Variants in DUSP22 observed in about 807,000 individuals in gnomAD.
DUSP22 encodes the protein dual specificity protein phosphatase 22.
Under a neutral mutation model 24.5 loss-of-function variants are expected in DUSP22, and 24 were observed. The observed-to-expected ratio is 0.98, with a 90% CI of 0.71 to 1.38. DUSP22 has a LOEUF of 1.38. DUSP22 is among the 40% of genes most tolerant of loss of function. The pLI is 0.00. For synonymous variants in DUSP22, 160 were observed against 106.4 expected (o/e 1.50, Z -3.10); for missense variants, 330 against 269.2 (o/e 1.23, Z -1.58).
chr6:330,174 T>C (rs1451868620), intron 3 of DUSP22, among the ~76,000 whole-genome samples: 1 of 152,300 alleles, frequency 6.6e-6, no homozygotes, highest in Non-Finnish European at 1.5e-5. Flanking sequence ...CCGCACAGGC[T>C]GAGATGAGAA....
chr6:306,321 A>G (rs1362653113), intron 2 of DUSP22, among the ~76,000 whole-genome samples: 1 of 152,304 alleles, frequency 6.6e-6, no homozygotes, highest in African/African-American at 2.4e-5. Context: ...ACAGTATGTG[A>G]GAGTTTTAGC....
At chr6:311,825 G>T in intron 2 of DUSP22, 55 bp from the exon 3 acceptor site, 1 of 1,536,296 alleles carries the variant, frequency 6.5e-7, no homozygotes. Context: ...CTAGACTTTA[G>T]GAGTAATTAA....
chr6:310,493 A>G (rs1488558794), intron 2 of DUSP22, among the ~76,000 whole-genome samples: 1 of 152,310 alleles, frequency 6.6e-6, no homozygotes, highest in East Asian at 1.9e-4. Flanking sequence ...GAGATAATTT[A>G]ATAGCCAACT....
chr6:336,533 T>G (rs1324806895), intron 4 of DUSP22, among the ~76,000 whole-genome samples: 1 of 152,242 alleles, frequency 6.6e-6, no homozygotes, highest in Non-Finnish European at 1.5e-5. Flanking sequence ...TGCGATAATT[T>G]TGTGAGATCT....
chr6:341,334 A>G (rs981279345), intron 4 of DUSP22, among the ~76,000 whole-genome samples: 8 of 152,418 alleles, frequency 5.2e-5, no homozygotes, highest in South Asian at 4.1e-4. Context: ...TTGCGGTAGG[A>G]TAGTGCTTCA....
In DUSP22 at chr6:348,761, C is replaced by T. The variant is rs558931040; in HGVS notation, c.436-8C>T. Reference sequence around the variant, plus strand: ...GTGACGTTTCGGGTTTGTTTCCATCCTCTCCAGTATCGGCAGTGGCTGAAG... The same window carrying T: ...GTGACGTTTCGGGTTTGTTTCCATCTTCTCCAGTATCGGCAGTGGCTGAAG... On this transcript the variant is annotated splice_polypyrimidine_tract_variant and splice_region_variant and intron_variant, in intron 6 of 6. Coordinates refer to ENST00000419235, the MANE Select transcript of DUSP22 (RefSeq NM_001286555.3). The T allele has an allele frequency of 1.9e-6, 3 of 1,614,252 alleles. No individual in the cohort carries two copies. In the Admixed American group the frequency reaches 5.0e-5, roughly 27 times the overall value.
At chr6:304,295 T>C (rs1373176093) in intron 1 of DUSP22, among the ~76,000 whole-genome samples, 5 of 152,304 alleles carry the variant, frequency 3.3e-5, no homozygotes, top group East Asian at 1.9e-4. Context: ...TGCAGCAGAG[T>C]GCAGAGCTGC....
intron 3 of DUSP22, among the ~76,000 whole-genome samples, chr6:323,500 G>C (rs1758705041): frequency 6.6e-6 from 1 of 152,300 alleles, no homozygotes; most frequent in Admixed American, 6.5e-5. Flanking sequence ...TTTCTCTTGA[G>C]GTCCAACTTT....
In DUSP22 at chr6:345,885, A is replaced by AT; in HGVS notation, c.222dup (p.His75SerfsTer8). On this transcript the variant is annotated frameshift_variant, in exon 5 of 7. Transcript: ENST00000419235. LOFTEE classifies it high-confidence loss of function. The stretch of plus-strand genomic sequence containing the variant: ...ACATTTCAAAGAAAGTATTAAATTC[A>AT]TTCACGAGTGCCGGCTCCGCGGTGA... The AT allele has an allele frequency of 1.2e-6, 2 of 1,614,278 alleles. No homozygotes were observed. Among genetic ancestry groups the AT allele is most frequent in the Non-Finnish European group, 1.7e-6 (2 of 1,180,036 alleles).
Position 349,183 on chromosome 6 carries a change from G to A in DUSP22, c.*232G>A. Reference sequence around the variant, plus strand: ...GCTGCCCCTGGGGATGTTGCCCAGTGGCTGTGCACTGCTCTGTGCACGTGC... The same window carrying A: ...GCTGCCCCTGGGGATGTTGCCCAGTAGCTGTGCACTGCTCTGTGCACGTGC... On this transcript the variant is annotated 3_prime_UTR_variant, in exon 7 of 7. Coordinates refer to ENST00000419235, the MANE Select transcript of DUSP22 (RefSeq NM_001286555.3). 7.0e-7 allele frequency: 1 copy of A among 1,425,658 alleles called. No homozygotes were observed. Among genetic ancestry groups the A allele is most frequent in the Non-Finnish European group, 9.1e-7 (1 of 1,094,454 alleles). 88.3% of individuals were successfully genotyped at this position (1,425,658 alleles called of 1,614,324 possible). A position where few individuals can be genotyped will look rare whatever the true frequency, so the allele number is the denominator to read the frequency against.
intron 4 of DUSP22, among the ~76,000 whole-genome samples, chr6:336,101 G>A (rs992440455): frequency 2.0e-5 from 3 of 152,298 alleles, no homozygotes; most frequent in African/African-American, 7.2e-5. Flanking sequence ...ATATCATGAT[G>A]TGGAGTAGAT....
intron 1 of DUSP22, among the ~76,000 whole-genome samples, chr6:303,777 G>A (rs372118560): frequency 3.9e-5 from 6 of 152,414 alleles, no homozygotes; most frequent in East Asian, 1.9e-4. Flanking sequence ...TTCCTACTTC[G>A]CAAATTGTGG....
At chr6:314,556 G>A (rs1199834630) in intron 3 of DUSP22, among the ~76,000 whole-genome samples, 2 of 152,306 alleles carry the variant, frequency 1.3e-5, no homozygotes, top group African/African-American at 4.8e-5. Flanking sequence ...TTGTGATGGA[G>A]ACTAAGTGAG....
chr6:310,337 A>G (rs1376530129), intron 2 of DUSP22, among the ~76,000 whole-genome samples: 1 of 152,310 alleles, frequency 6.6e-6, no homozygotes, highest in Non-Finnish European at 1.5e-5. Context: ...GGTGTAGGGA[A>G]GTGGACCTCC....
At position 349,254 on chromosome 6, in the gene DUSP22, T is replaced by C. The variant is rs1581198296; in HGVS notation, c.*303T>C. On this transcript the variant is annotated 3_prime_UTR_variant, in exon 7 of 7. Transcript: ENST00000419235. ...GTGTGGGTGACTAAGTGGATGCATGTGTGTGCCTGTGTGAGTGAGGGTATG... is the reference window on the plus strand; with the variant it reads ...GTGTGGGTGACTAAGTGGATGCATGCGTGTGCCTGTGTGAGTGAGGGTATG... 1 of 1,338,592 alleles carries C rather than the reference T, an allele frequency of 7.5e-7. No individual in the cohort carries two copies. Among genetic ancestry groups the C allele is most frequent in the East Asian group, 3.1e-5 (1 of 32,562 alleles). The allele number at this position is 1,338,592 out of a possible 1,614,324, so 82.9% of individuals were successfully genotyped here. A position where few individuals can be genotyped will look rare whatever the true frequency, so the allele number is the denominator to read the frequency against.
Position 350,547 on chromosome 6 carries a change from A to G in DUSP22, c.*1596A>G. The G allele has an allele frequency of 1.5e-6, 2 of 1,356,614 alleles. No homozygotes were observed. The highest frequency in any genetic ancestry group is 1.9e-6 in the Non-Finnish European group (2 of 1,055,818). The allele number at this position is 1,356,614 out of a possible 1,614,324, so 84.0% of individuals were successfully genotyped here. A position where few individuals can be genotyped will look rare whatever the true frequency, so the allele number is the denominator to read the frequency against. On this transcript the variant is annotated 3_prime_UTR_variant, in exon 7 of 7. Transcript: ENST00000419235. ...GAGCTTTTTGGGGACCGGGAAAAAC[A>G]AAGTTGCCTGATTCCGCGCAGGTGC... is the stretch of plus-strand genomic sequence containing the variant.
chr6:339,711 T>C (rs1039119079), intron 4 of DUSP22, among the ~76,000 whole-genome samples: 9 of 152,306 alleles, frequency 5.9e-5, no homozygotes, highest in Admixed American at 3.3e-4. Context: ...GCTTTAGCAA[T>C]ACAGAGAGCC....
chr6:295,495 C>G (rs1757283077), intron 1 of DUSP22, among the ~76,000 whole-genome samples: 2 of 152,276 alleles, frequency 1.3e-5, no homozygotes, highest in South Asian at 4.1e-4. Context: ...AAAGACAGGA[C>G]TGGGCGTGGT....
At chr6:313,718 G>A (rs1758211994) in intron 3 of DUSP22, among the ~76,000 whole-genome samples, 1 of 152,302 alleles carries the variant, frequency 6.6e-6, no homozygotes, top group African/African-American at 2.4e-5. Context: ...TTATTGTTAT[G>A]CCACTGTTTT....
Sources: gnomAD v4.1 joint callset for allele counts (sites outside exome capture counted in the v4.1 genomes callset) on GRCh38, gnomAD v4.1.1 for gene constraint, MANE v1.5 for transcripts, NCBI Gene and HGNC (gene_info 2026-07-23, HGNC 2026-07-21) for gene names.